Variants in SYNE1 observed in about 807,000 individuals in gnomAD.
The protein encoded by SYNE1 is nesprin-1.
Under a neutral mutation model 1,111.0 loss-of-function variants are expected in SYNE1, and 616 were observed. That is an observed-to-expected ratio of 0.55 (90% CI 0.52 to 0.59). The LOEUF is 0.59. Ranked by LOEUF, SYNE1 falls within the 20% of genes least tolerant of loss-of-function variation. SYNE1 has a pLI of 0.00. For synonymous variants in SYNE1, 3,855 were observed against 3,825.8 expected (o/e 1.01, Z -0.28); for missense variants, 10,006 against 10,417.0 (o/e 0.96, Z 1.72).
At chr6:152,455,665 T>C (rs1313904960) in intron 23 of SYNE1, 75 bp from the exon 24 acceptor site, 1 of 1,590,350 alleles carries the variant, frequency 6.3e-7, no homozygotes, top group East Asian at 2.2e-5. Context: ...GAGGGTATTA[T>C]TCATTTAAAA....
intron 75 of SYNE1, 67 bp downstream of exon 75, chr6:152,339,174 C>T (rs1182038914): frequency 3.8e-6 from 6 of 1,592,438 alleles, no homozygotes; most frequent in Non-Finnish European, 5.1e-6. Flanking sequence ...TTCAATCTCA[C>T]ATGAAACATT....
rs35591210 is a variant in SYNE1 at position 152,132,156 on chromosome 6, G to A, written c.26060C>T (p.Thr8687Ile). 109,772 of 1,613,876 alleles carry A rather than the reference G, an allele frequency of 0.068. 4,295 individuals carry two copies. The highest frequency in any genetic ancestry group is 0.081 in the Non-Finnish European group (95,226 of 1,179,748). Reference sequence around the variant, plus strand: ...TCTGTTTGGGGTGCTCCTTCCTGATGTGGGACTCACAGACCCTGAGGTGTC... The same window carrying A: ...TCTGTTTGGGGTGCTCCTTCCTGATATGGGACTCACAGACCCTGAGGTGTC... ...ELDTSGSVSP[T>I]SGRSTPNRQK... The change falls in exon 144 of 146, where the codon ACA (threonine) becomes ATA (isoleucine). Residue 8687 changes from threonine (T) to isoleucine (I), a missense_variant. Coordinates refer to ENST00000367255, the MANE Select transcript of SYNE1 (RefSeq NM_182961.4).
rs536475587 is a variant in SYNE1 at position 152,149,412 on chromosome 6, A to G, written c.24642+65T>C. 18 of 1,599,224 alleles carry G rather than the reference A, an allele frequency of 1.1e-5. No individual in the cohort carries two copies. The African/African-American group carries it at 2.4e-4, about 21-fold the overall frequency. On this transcript the variant is annotated intron_variant, in intron 136 of 145. Transcript: ENST00000367255. ...TGAGCTCTCACCCACTATCAATACAACCCAATCCCACACGACTTATTCTCT... is the reference window on the plus strand; with the variant it reads ...TGAGCTCTCACCCACTATCAATACAGCCCAATCCCACACGACTTATTCTCT...
Position 152,427,729 on chromosome 6 carries a change from G to C in SYNE1, c.5064C>G (p.Asp1688Glu). ...ASSPEMDISA[D>E]RVKVEGELQL... The stretch of plus-strand genomic sequence containing the variant: ...GAAGTTCACCTTCCACTTTGACTCT[G>C]TCTGCAGAAATGTCCATTTCTGGGG... The change falls in exon 38 of 146, where the codon GAC becomes GAG. Residue 1688 changes from aspartate (D) to glutamate (E), a missense_variant. Asp to Glu is a conservative substitution (Grantham distance 45). This residue lies in a region of SYNE1 where 1,971 missense variants were observed against 2,084.1 expected (regional missense o/e 0.95). Transcript: ENST00000367255. 5 of 1,614,068 alleles carry C rather than the reference G, an allele frequency of 3.1e-6. No homozygotes were observed. The highest frequency in any genetic ancestry group is 4.2e-6 in the Non-Finnish European group (5 of 1,180,018).
chr6:152,165,191 C>T (rs907734977), intron 130 of SYNE1, among the ~76,000 whole-genome samples: 7 of 152,058 alleles, frequency 4.6e-5, no homozygotes, highest in Admixed American at 1.3e-4. Context: ...CCAGCCACCA[C>T]CGCCAGGTGG....
At chr6:152,352,533 G>C (rs1002010403) in intron 69 of SYNE1, among the ~76,000 whole-genome samples, 180 bp from the exon 70 acceptor site, 1 of 151,946 alleles carries the variant, frequency 6.6e-6, no homozygotes, top group African/African-American at 2.4e-5. Context: ...CTCCAAAGTA[G>C]CTGGGACTAC....
intron 123 of SYNE1, among the ~76,000 whole-genome samples, chr6:152,212,377 T>C (rs1306300820): frequency 6.6e-6 from 1 of 152,218 alleles, no homozygotes. Flanking sequence ...AATCTTGCGA[T>C]ATGTAGTCTT....
At chr6:152,247,409 A>G (rs1369875821) in intron 105 of SYNE1, among the ~76,000 whole-genome samples, 1 of 152,184 alleles carries the variant, frequency 6.6e-6, no homozygotes, top group Admixed American at 6.5e-5. Flanking sequence ...GTGATCATAC[A>G]TATCTCATAA....
intron 127 of SYNE1, among the ~76,000 whole-genome samples, chr6:152,201,320 T>A (rs981277791): frequency 6.6e-6 from 1 of 152,154 alleles, no homozygotes; most frequent in African/African-American, 2.4e-5. Context: ...TCATAATCTT[T>A]AAGTACTTAG....
rs1052577251 is a variant in SYNE1, at chr6:152,463,449, T to C, written c.2001A>G (p.Leu667=). 1 of 1,613,790 alleles carries C rather than the reference T, an allele frequency of 6.2e-7. No individual in the cohort carries two copies. The highest frequency in any genetic ancestry group is 1.7e-5 in the Admixed American group (1 of 59,972). Residue 667 remains leucine (L), a synonymous_variant, in exon 19 of 146, where the codon CTA becomes CTG. Transcript: ENST00000367255. ...AAACCATCTCATCACAGGTTTCAAT[T>C]AGAAAATTGCCAGCATCGTTCATGG... ...HTAMNDAGNF[L]IETCDEMVSR...
chr6:152,433,481 G>A (rs893218112), intron 34 of SYNE1: 52 of 363,866 alleles, frequency 1.4e-4, no homozygotes, highest in Admixed American at 3.3e-4. Flanking sequence ...ATAATGAACC[G>A]GCAGAGCATT....
In SYNE1 at chr6:152,330,216, TC is replaced by T; in HGVS notation, c.14468del (p.Gly4823GlufsTer10). ...EKLKMYHSLA[G>X]SLQDSGIVLK... The stretch of plus-strand genomic sequence containing the variant: ...GTACAATCCCTGAGTCCTGGAGACT[TC>T]CTGCCAGGGAGTGATACATTTTGAG... On this transcript the variant is annotated frameshift_variant, in exon 78 of 146. Transcript: ENST00000367255. LOFTEE classifies it high-confidence loss of function. The T allele has an allele frequency of 6.2e-7, 1 of 1,614,174 alleles. No individual in the cohort carries two copies. Among genetic ancestry groups the T allele is most frequent in the East Asian group, 2.2e-5 (1 of 44,872 alleles).
At chr6:152,604,994 AAGAAAGAAAGAAAGAGAGAGAGAGAGAG>A (rs2099608623) in intron 3 of SYNE1, among the ~76,000 whole-genome samples, 2 of 26,952 alleles carry the variant, frequency 7.4e-5, no homozygotes, top group African/African-American at 3.3e-4. Context: ...GAAAGAAAGA[AAGAAAGAAAGAAAGAGAGAGAGAGAGAG>A]AGAGAGAGAG....
chr6:152,161,671 G>T (rs1036883638), intron 131 of SYNE1, among the ~76,000 whole-genome samples: 1 of 151,756 alleles, frequency 6.6e-6, no homozygotes, highest in Non-Finnish European at 1.5e-5. Flanking sequence ...AAGTGGTGAG[G>T]ATTCTTGCCT....
chr6:152,271,344 T>A (rs1342093701), intron 98 of SYNE1, among the ~76,000 whole-genome samples: 1 of 152,162 alleles, frequency 6.6e-6, no homozygotes, highest in Non-Finnish European at 1.5e-5. Context: ...AACCTGTAGG[T>A]AATAGTATAT....
chr6:152,373,119 C>T lies in SYNE1; in HGVS notation c.9425G>A (p.Gly3142Glu), dbSNP rs747763708. 5.0e-6 allele frequency: 8 copies of T among 1,614,026 alleles called. No individual in the cohort carries two copies. The Admixed American group carries it at 5.0e-5, about 10-fold the overall frequency. ...TGCAGCTGTAACTTTGGCCTGGATC[C>T]CTTTCGCTTTCTCTTTGGTCAGCAG... ...STLLTKEKAK[G>E]IQAKVTAAKE... Residue 3142 changes from glycine to glutamate, a missense_variant, in exon 59 of 146, where the codon GGG (glycine) becomes GAG (glutamate). By Grantham distance (98) the Gly-to-Glu change is moderately conservative. Around this residue, in one of 7 missense-constraint regions of SYNE1, gnomAD observed 4,955 missense variants for 5,017.2 expected, o/e 0.99. Transcript: ENST00000367255.
intron 46 of SYNE1, among the ~76,000 whole-genome samples, chr6:152,403,779 T>C (rs1381527799): frequency 3.9e-5 from 6 of 152,074 alleles, no homozygotes; most frequent in African/African-American, 1.4e-4. Flanking sequence ...GTTCTGTTCC[T>C]GTCTAGACAT....
At chr6:152,450,861 C>T (rs549517343) in intron 26 of SYNE1, 28 bp from the exon 27 acceptor site, 1 of 1,610,298 alleles carries the variant, frequency 6.2e-7, no homozygotes, top group Non-Finnish European at 8.5e-7. Flanking sequence ...TTTTTATAAT[C>T]CCTGTGAGAA....
chr6:152,589,706 A>C (rs1480027681), intron 3 of SYNE1, among the ~76,000 whole-genome samples: 2 of 152,218 alleles, frequency 1.3e-5, no homozygotes, highest in South Asian at 2.1e-4. Flanking sequence ...AAGGCCCGGC[A>C]TAACCATCTA....
Sources: gnomAD v4.1 joint callset for allele counts (sites outside exome capture counted in the v4.1 genomes callset) on GRCh38, gnomAD v4.1.1 for gene constraint, gnomAD v4.1.1 regional missense constraint, MANE v1.5 for transcripts, NCBI Gene and HGNC (gene_info 2026-07-23, HGNC 2026-07-21) for gene names.